NUSAP1: variants seen among roughly 807,000 people sequenced by gnomAD.
NUSAP1 encodes nucleolar and spindle associated protein 1, also known as nucleolar and spindle-associated protein 1.
Under a neutral mutation model 52.8 loss-of-function variants are expected in NUSAP1, and 32 were observed. The ratio of observed to expected loss-of-function variants is 0.61; its 90% CI spans 0.46 to 0.81. The LOEUF (loss-of-function observed/expected upper bound fraction) is 0.81. Among genes scored for constraint, NUSAP1 ranks in the 40% least tolerant of loss-of-function variants. NUSAP1 has a pLI of 0.00. For missense variants in NUSAP1, 499 were observed against 522.3 expected, an observed-to-expected ratio of 0.96 and a Z score of 0.43; for synonymous variants, 195 against 183.1, an observed-to-expected ratio of 1.06 and a Z score of -0.52.
chr15:41,355,844 CTT>C (rs1490039599), intron 4 of NUSAP1, among the ~76,000 whole-genome samples, 193 bp from the exon 5 acceptor site: 4 of 151,456 alleles, frequency 2.6e-5, no homozygotes, highest in Admixed American at 1.3e-4. Context: ...GCCCGGCTGA[CTT>C]TTTGTATTTT....
chr15:41,353,231 AC>A (rs2048842234), intron 4 of NUSAP1, among the ~76,000 whole-genome samples: 1 of 151,816 alleles, frequency 6.6e-6, no homozygotes, highest in Admixed American at 6.6e-5. Flanking sequence ...GCTCATTGCA[AC>A]CTTTGCCTCC....
intron 6 of NUSAP1, among the ~76,000 whole-genome samples, chr15:41,364,771 G>C (rs557326263): frequency 6.6e-6 from 1 of 152,216 alleles, no homozygotes; most frequent in Non-Finnish European, 1.5e-5. Context: ...AGAAGGCTAA[G>C]GTGGGAGGAT....
chr15:41,373,030 T>C (rs1365003381), intron 8 of NUSAP1, among the ~76,000 whole-genome samples: 1 of 151,686 alleles, frequency 6.6e-6, no homozygotes, highest in African/African-American at 2.4e-5. Context: ...GAGGTTGCAG[T>C]GAGCCGAGAT....
intron 6 of NUSAP1, 131 bp downstream of exon 6, chr15:41,358,389 A>C (rs1476487259): frequency 1.7e-6 from 1 of 571,908 alleles, no homozygotes; most frequent in Non-Finnish European, 3.1e-6. Context: ...ATATATCTTT[A>C]TCTAAAACTT....
chr15:41,355,483 A>G (rs1243088655), intron 4 of NUSAP1, among the ~76,000 whole-genome samples: 1 of 151,738 alleles, frequency 6.6e-6, no homozygotes, highest in African/African-American at 2.4e-5. Context: ...CAACTTTCTA[A>G]TATGTTTATA....
intron 1 of NUSAP1, among the ~76,000 whole-genome samples, chr15:41,339,413 T>TC (rs1375579929): frequency 6.8e-6 from 1 of 147,632 alleles, no homozygotes; most frequent in African/African-American, 2.5e-5. Flanking sequence ...CGACTTTTCT[T>TC]TTTTTTTTTT....
chr15:41,338,943 CGACA>C (rs1366847123), intron 1 of NUSAP1, among the ~76,000 whole-genome samples: 6 of 151,646 alleles, frequency 4.0e-5, no homozygotes, highest in Non-Finnish European at 7.4e-5. Flanking sequence ...CCACCCTGGG[CGACA>C]GAGCGAGACT....
At position 41,334,557 on chromosome 15, in the gene NUSAP1, A is replaced by G. The variant is rs557307164; in HGVS notation, c.93+1507A>G. 2.4e-4 allele frequency among the ~76,000 whole-genome samples: 37 copies of G among 152,332 alleles called. No individual in the cohort carries two copies. In the South Asian group the frequency reaches 7.7e-3, roughly 32 times the overall value. On this transcript the variant is annotated intron_variant, in intron 1 of 10. Transcript: ENST00000559596. ...AAACAAAGCCTTAATATCTCAGCCT[A>G]AATTCCTTAGGCTTTTTTGCTGCCT...
At position 41,377,661 on chromosome 15, in the gene NUSAP1, T is replaced by A. The variant is rs1316830246; in HGVS notation, c.1232+357T>A. 2.8e-5 allele frequency among the ~76,000 whole-genome samples: 4 copies of A among 144,436 alleles called. No homozygotes were observed. The East Asian group carries it at 6.2e-4, about 22-fold the overall frequency. The allele number at this position is 144,436 out of a possible 152,430, so 94.8% of individuals were successfully genotyped here. A position where few individuals can be genotyped will look rare whatever the true frequency, so the allele number is the denominator to read the frequency against. On this transcript the variant is annotated intron_variant, in intron 10 of 10. Transcript: ENST00000559596. ...TTGCAGTGAGCCGAGATCGCGCCACTGCACTCTAGCCTGCGTGACAGAGCC... is the reference window on the plus strand; with the variant it reads ...TTGCAGTGAGCCGAGATCGCGCCACAGCACTCTAGCCTGCGTGACAGAGCC...
At chr15:41,349,322 C>A in intron 3 of NUSAP1, 81 bp downstream of exon 3, 1 of 1,351,564 alleles carries the variant, frequency 7.4e-7, no homozygotes, top group South Asian at 1.3e-5. Flanking sequence ...TTTTAAATTC[C>A]CATGTGATGT....
intron 1 of NUSAP1, among the ~76,000 whole-genome samples, chr15:41,336,929 T>G (rs13313520): frequency 0.21 from 31,749 of 150,320 alleles, 3,623 homozygotes; most frequent in Non-Finnish European, 0.25. Context: ...CATGGGAAAA[T>G]AGATGCAATC....
intron 7 of NUSAP1, among the ~76,000 whole-genome samples, chr15:41,370,758 A>G (rs1301908626): frequency 2.0e-5 from 3 of 147,816 alleles, no homozygotes; most frequent in African/African-American, 7.9e-5. Flanking sequence ...TCAAAAAAAA[A>G]AAAAAAAAAA....
At chr15:41,336,191 G>A (rs1188463649) in intron 1 of NUSAP1, among the ~76,000 whole-genome samples, 4 of 151,354 alleles carry the variant, frequency 2.6e-5, no homozygotes, top group Admixed American at 2.6e-4. Flanking sequence ...CTTGAACCCA[G>A]GGAGGCAGAC....
At chr15:41,355,065 G>A (rs756874539) in intron 4 of NUSAP1, among the ~76,000 whole-genome samples, 3 of 151,622 alleles carry the variant, frequency 2.0e-5, no homozygotes, top group African/African-American at 4.8e-5. Flanking sequence ...GCCCAGGCTC[G>A]TCTCAAACTC....
At chr15:41,346,141 A>G (rs1048775672) in intron 2 of NUSAP1, among the ~76,000 whole-genome samples, 3 of 151,282 alleles carry the variant, frequency 2.0e-5, no homozygotes, top group Non-Finnish European at 4.4e-5. Context: ...AGGTTTTACC[A>G]TGTTGGCCAG....
intron 6 of NUSAP1, among the ~76,000 whole-genome samples, chr15:41,360,194 A>G (rs1461096237): frequency 6.6e-6 from 1 of 151,970 alleles, no homozygotes; most frequent in Non-Finnish European, 1.5e-5. Context: ...GCTGGAGTGC[A>G]GTGACACAAT....
At chr15:41,379,488 T>C (rs1466814290) in intron 10 of NUSAP1, among the ~76,000 whole-genome samples, 2 of 151,632 alleles carry the variant, frequency 1.3e-5, no homozygotes, top group Non-Finnish European at 2.9e-5. Flanking sequence ...ATAACAAGAG[T>C]TGGATTCAAT....
chr15:41,348,858 G>A (rs572348428), intron 2 of NUSAP1, among the ~76,000 whole-genome samples: 4 of 151,354 alleles, frequency 2.6e-5, no homozygotes, highest in African/African-American at 7.3e-5. Flanking sequence ...GGCTGGTCTC[G>A]CTAACCTCAG....
intron 10 of NUSAP1, among the ~76,000 whole-genome samples, chr15:41,378,932 T>C (rs372057196): frequency 7.0e-6 from 1 of 143,304 alleles, no homozygotes; most frequent in African/African-American, 2.6e-5. Flanking sequence ...AAGATTATAT[T>C]AACTTATCTT....
Sources: allele counts gnomAD v4.1 joint callset (sites outside exome capture counted in the v4.1 genomes callset), GRCh38; gene constraint gnomAD v4.1.1; transcripts MANE v1.5; gene names NCBI Gene and HGNC (gene_info 2026-07-23, HGNC 2026-07-21).